Variants in JPH4 observed in about 807,000 individuals in gnomAD.
JPH4 encodes junctophilin-4.
JPH4 carries 18 observed loss-of-function variants against 57.6 expected under a neutral mutation model. The observed-to-expected ratio is 0.31, with a 90% CI of 0.22 to 0.46. The LOEUF is 0.46. Ranked by LOEUF, JPH4 falls within the 20% of genes least tolerant of loss-of-function variation. The pLI is 1.00. For synonymous variants in JPH4, 425 were observed against 406.6 expected, an observed-to-expected ratio of 1.05 and a Z score of -0.54; for missense variants, 727 against 911.1, an observed-to-expected ratio of 0.80 and a Z score of 2.60.
rs1165862025 is a variant in JPH4, at chr14:23,568,284, G to A, written c.*1350C>T. The stretch of plus-strand genomic sequence containing the variant: ...ATTCCTGGGCAAGGCCATTCCTTGA[G>A]GGAGGGGGTTGGCAGGCAGCTTGCC... On this transcript the variant is annotated 3_prime_UTR_variant, in exon 6 of 6. Transcript: ENST00000356300. 12 of 985,788 alleles carry A rather than the reference G, an allele frequency of 1.2e-5. No individual in the cohort carries two copies. The highest frequency in any genetic ancestry group is 5.2e-5 in the African/African-American group (3 of 57,236). The allele number at this position is 985,788 out of a possible 1,614,324, so 61.1% of individuals were successfully genotyped here. A position where few individuals can be genotyped will look rare whatever the true frequency, so the allele number is the denominator to read the frequency against.
chr14:23,568,747 G>A lies in JPH4; in HGVS notation c.*887C>T. The A allele has an allele frequency of 1.0e-6, 1 of 985,828 alleles. No homozygotes were observed. The highest frequency in any genetic ancestry group is 1.1e-4 in the East Asian group (1 of 8,798). The allele number at this position is 985,828 out of a possible 1,614,324, so 61.1% of individuals were successfully genotyped here. On this transcript the variant is annotated 3_prime_UTR_variant, in exon 6 of 6. Coordinates refer to ENST00000356300, the MANE Select transcript of JPH4 (RefSeq NM_001146028.2). Reference sequence around the variant, plus strand: ...TCTGCAGTAGAAATGTCTTCTTCAGGCCCCTTAGGAATTTAATCAAAGGCC... The same window carrying A: ...TCTGCAGTAGAAATGTCTTCTTCAGACCCCTTAGGAATTTAATCAAAGGCC...
intron 3 of JPH4, 132 bp from the exon 4 acceptor site, chr14:23,572,052 C>T (rs924414152): frequency 1.7e-5 from 13 of 776,644 alleles, no homozygotes; most frequent in South Asian, 5.1e-5. Context: ...CGTCACCCTT[C>T]GCCACACTCT....
At position 23,569,743 on chromosome 14, in the gene JPH4, C is replaced by T. The variant is rs1190226499; in HGVS notation, c.1804-26G>A. Reference sequence around the variant, plus strand: ...CTAGAGAGACAGAGGGGGAAGCAGACTCAGTCCCCGAGGACAGGGCCCACC... The same window carrying T: ...CTAGAGAGACAGAGGGGGAAGCAGATTCAGTCCCCGAGGACAGGGCCCACC... On this transcript the variant is annotated intron_variant, in intron 5 of 5. Transcript: ENST00000356300. The surrounding 1 kb of genome is among the most constrained non-coding windows in gnomAD (Gnocchi z 4.8). The T allele has an allele frequency of 1.3e-6, 2 of 1,503,074 alleles. No individual in the cohort carries two copies. Among genetic ancestry groups the T allele is most frequent in the East Asian group, 2.5e-5 (1 of 40,692 alleles). 93.1% of individuals were successfully genotyped at this position (1,503,074 alleles called of 1,614,324 possible).
In JPH4 at chr14:23,569,757, A is replaced by G; in HGVS notation, c.1804-40T>C. 1 of 1,383,902 alleles carries G rather than the reference A, an allele frequency of 7.2e-7. No homozygotes were observed. Among genetic ancestry groups the G allele is most frequent in the Non-Finnish European group, 1.0e-6 (1 of 1,001,686 alleles). 85.7% of individuals were successfully genotyped at this position (1,383,902 alleles called of 1,614,324 possible). On this transcript the variant is annotated intron_variant, in intron 5 of 5. Transcript: ENST00000356300. The surrounding 1 kb of genome is among the most constrained non-coding windows in gnomAD (Gnocchi z 4.8). ...GGGGAAGCAGACTCAGTCCCCGAGG[A>G]CAGGGCCCACCTTCCTGCCCTGACT...
In JPH4 at chr14:23,571,396, C is replaced by G; in HGVS notation, c.1335G>C (p.Gly445=). 1 of 1,600,180 alleles carries G rather than the reference C, an allele frequency of 6.2e-7. No homozygotes were observed. Among genetic ancestry groups the G allele is most frequent in the Non-Finnish European group, 8.5e-7 (1 of 1,179,718 alleles). The change falls in exon 5 of 6, where the codon GGG becomes GGC. Residue 445 remains glycine (G), a synonymous_variant. Coordinates refer to ENST00000356300, the MANE Select transcript of JPH4 (RefSeq NM_001146028.2). This position sits in a 1 kb window ranked among gnomAD's most constrained non-coding sequence, Gnocchi z 4.6. ...AGGGGGTCAGTCCGTTCTCATATAC[C>G]CCAGGGCTGTCCTCATCCAGGGGCT... ...DTEPLDEDSP[G]VYENGLTPSE...
Position 23,577,031 on chromosome 14 carries a change from G to T in JPH4, c.379+44C>A. 2 of 1,455,516 alleles carry T rather than the reference G, an allele frequency of 1.4e-6. No homozygotes were observed. Among genetic ancestry groups the T allele is most frequent in the East Asian group, 2.6e-5 (1 of 38,202 alleles). The allele number at this position is 1,455,516 out of a possible 1,614,324, so 90.2% of individuals were successfully genotyped here. A position where few individuals can be genotyped will look rare whatever the true frequency, so the allele number is the denominator to read the frequency against. On this transcript the variant is annotated intron_variant, in intron 2 of 5. Coordinates refer to ENST00000356300, the MANE Select transcript of JPH4 (RefSeq NM_001146028.2). The surrounding 1 kb of genome is among the most constrained non-coding windows in gnomAD (Gnocchi z 8.4). The stretch of plus-strand genomic sequence containing the variant: ...GCGAAGGCCCAAGGCTGGGGAAGGC[G>T]CACGCGGACGAGCAGACAGACACTG...
intron 3 of JPH4, among the ~76,000 whole-genome samples, chr14:23,573,289 T>C (rs1207410296): frequency 6.6e-6 from 1 of 152,212 alleles, no homozygotes; most frequent in African/African-American, 2.4e-5. Context: ...AACGTGGCTC[T>C]TCTGTCTTAG....
chr14:23,576,931 T>G lies in JPH4; in HGVS notation c.379+144A>C. ...TAATCATGGTGGGAGAGAGCAGAAA[T>G]TGGGGGCTGGGGGTCACATCGATGG... On this transcript the variant is annotated intron_variant, in intron 2 of 5. Coordinates refer to ENST00000356300, the MANE Select transcript of JPH4 (RefSeq NM_001146028.2). This position sits in a 1 kb window ranked among gnomAD's most constrained non-coding sequence, Gnocchi z 8.0. The G allele has an allele frequency of 1.0e-6, 1 of 965,872 alleles. No individual in the cohort carries two copies. The highest frequency in any genetic ancestry group is 1.4e-6 in the Non-Finnish European group (1 of 693,796). 59.8% of individuals were successfully genotyped at this position (965,872 alleles called of 1,614,324 possible).
Position 23,571,492 on chromosome 14 carries a change from C to G in JPH4, c.1271-32G>C, listed in dbSNP as rs369194470. The G allele has an allele frequency of 1.8e-4, 284 of 1,586,416 alleles. No individual in the cohort carries two copies. Among genetic ancestry groups the G allele is most frequent in the Non-Finnish European group, 2.3e-4 (275 of 1,174,284 alleles). On this transcript the variant is annotated intron_variant, in intron 4 of 5. Coordinates refer to ENST00000356300, the MANE Select transcript of JPH4 (RefSeq NM_001146028.2). The surrounding 1 kb of genome is among the most constrained non-coding windows in gnomAD (Gnocchi z 4.6). ...AGGGATAGCTGAGAATCAGAGGGGC[C>G]TAACTGGCCTTGGGCTGGAGTGGCT...
In JPH4 at chr14:23,568,414, C is replaced by G; in HGVS notation, c.*1220G>C. The G allele has an allele frequency of 1.0e-6, 1 of 985,778 alleles. No homozygotes were observed. The highest frequency in any genetic ancestry group is 1.2e-6 in the Non-Finnish European group (1 of 829,968). 61.1% of individuals were successfully genotyped at this position (985,778 alleles called of 1,614,324 possible). On this transcript the variant is annotated 3_prime_UTR_variant, in exon 6 of 6. Transcript: ENST00000356300. ...GGAAAAACTAATACCAGAGAGGGAT[C>G]AGCCACAACCTCAAACAGGGCTCTC... is the stretch of plus-strand genomic sequence containing the variant.
chr14:23,575,483 T>C lies in JPH4; in HGVS notation c.1151+202A>G. 1.6e-6 allele frequency: 1 copy of C among 628,842 alleles called. No homozygotes were observed. Among genetic ancestry groups the C allele is most frequent in the Non-Finnish European group, 2.8e-6 (1 of 362,394 alleles). The allele number at this position is 628,842 out of a possible 1,614,324, so 39.0% of individuals were successfully genotyped here. A position where few individuals can be genotyped will look rare whatever the true frequency, so the allele number is the denominator to read the frequency against. On this transcript the variant is annotated intron_variant, in intron 3 of 5. Transcript: ENST00000356300. The surrounding 1 kb of genome is among the most constrained non-coding windows in gnomAD (Gnocchi z 6.9). Reference sequence around the variant, plus strand: ...ACACCATCTCCCTCAAATACCCAGCTATCCAGAGTTACACCCACATCCACC... The same window carrying C: ...ACACCATCTCCCTCAAATACCCAGCCATCCAGAGTTACACCCACATCCACC...
rs370422924 is a variant in JPH4, at chr14:23,575,730, C to T, written c.1106G>A (p.Arg369Gln). ...KVDRAVEGARRAVSAARQRQE... is the reference protein window; with the variant it reads ...KVDRAVEGARQAVSAARQRQE... ...GCGCTGACGGGCAGCACTCACGGCT[C>T]GACGGGCGCCCTCGACAGCCCTGTC... The change falls in exon 3 of 6, where the codon CGA (arginine) becomes CAA (glutamine). Residue 369 changes from arginine to glutamine, a missense_variant. Arg to Gln is a conservative substitution (Grantham distance 43). Transcript: ENST00000356300. This position sits in a 1 kb window ranked among gnomAD's most constrained non-coding sequence, Gnocchi z 6.9. The T allele has an allele frequency of 6.9e-6, 11 of 1,596,260 alleles. No individual in the cohort carries two copies. Among genetic ancestry groups the T allele is most frequent in the Admixed American group, 1.7e-5 (1 of 58,442 alleles).
intron 3 of JPH4, chr14:23,572,977 A>T (rs1409025101): frequency 8.5e-6 from 6 of 702,138 alleles, no homozygotes; most frequent in Non-Finnish European, 1.6e-5. Context: ...ATGCCTTGTC[A>T]TCCTTAAATG....
chr14:23,576,185 T>A lies in JPH4; in HGVS notation c.651A>T (p.Gly217=). 1 of 1,297,208 alleles carries A rather than the reference T, an allele frequency of 7.7e-7. No homozygotes were observed. The highest frequency in any genetic ancestry group is 9.8e-7 in the Non-Finnish European group (1 of 1,021,232). 80.4% of individuals were successfully genotyped at this position (1,297,208 alleles called of 1,614,324 possible). ...TGAGCAGCAGCGAACGGCGAAAGAA[T>A]CCGCCGGCCGCCGGAGTGCGCTTTC... ...SSRKRTPAAG[G]FFRRSLLLSG... is the part of the protein sequence containing the mutation. Residue 217 remains glycine (G), a synonymous_variant, in exon 3 of 6, where the codon GGA becomes GGT. Transcript: ENST00000356300. The surrounding 1 kb of genome is among the most constrained non-coding windows in gnomAD (Gnocchi z 8.0).
Position 23,577,084 on chromosome 14 carries a change from A to G in JPH4, c.370T>C (p.Ser124Pro). 6.5e-7 allele frequency: 1 copy of G among 1,544,332 alleles called. No individual in the cohort carries two copies. Among genetic ancestry groups the G allele is most frequent in the Non-Finnish European group, 8.7e-7 (1 of 1,148,762 alleles). Residue 124 changes from serine (S) to proline (P), a missense_variant, in exon 2 of 6, where the codon TCC becomes CCC. This residue lies in a region of JPH4 where 90 missense variants were observed against 88.1 expected (regional missense o/e 1.02). Coordinates refer to ENST00000356300, the MANE Select transcript of JPH4 (RefSeq NM_001146028.2). The surrounding 1 kb of genome is among the most constrained non-coding windows in gnomAD (Gnocchi z 8.4). ...FQDGYGTETY[S>P]DGGTYQGQWQ... ...GGGCCGGGCCCCGCACCTCCGTCGG[A>G]GTAGGTCTCAGTGCCGTAGCCGTCC...
Position 23,576,276 on chromosome 14 carries a change from G to GGGCTGCCTCCCTCGTCGC in JPH4, c.542_559dup (p.Ser186_Pro187insArgAspGluGlyGlySer). 1 of 1,266,644 alleles carries GGGCTGCCTCCCTCGTCGC rather than the reference G, an allele frequency of 7.9e-7. No homozygotes were observed. The highest frequency in any genetic ancestry group is 9.9e-7 in the Non-Finnish European group (1 of 1,007,846). 78.5% of individuals were successfully genotyped at this position (1,266,644 alleles called of 1,614,324 possible). A position where few individuals can be genotyped will look rare whatever the true frequency, so the allele number is the denominator to read the frequency against. ...GAAGCCGCCCCGGGAGCCCGAGGCG[G>GGGCTGCCTCCCTCGTCGC]GGCTGCCTCCCTCGTCGCCCGGCAA... On this transcript the variant is annotated inframe_insertion, in exon 3 of 6. Coordinates refer to ENST00000356300, the MANE Select transcript of JPH4 (RefSeq NM_001146028.2). The surrounding 1 kb of genome is among the most constrained non-coding windows in gnomAD (Gnocchi z 8.0).
Position 23,571,021 on chromosome 14 carries a change from C to A in JPH4, c.1710G>T (p.Leu570=). 1 of 1,588,684 alleles carries A rather than the reference C, an allele frequency of 6.3e-7. No homozygotes were observed. Among genetic ancestry groups the A allele is most frequent in the Non-Finnish European group, 8.6e-7 (1 of 1,166,210 alleles). The change falls in exon 5 of 6, where the codon CTG becomes CTT. Residue 570 remains leucine (L), a synonymous_variant. Coordinates refer to ENST00000356300, the MANE Select transcript of JPH4 (RefSeq NM_001146028.2). The surrounding 1 kb of genome is among the most constrained non-coding windows in gnomAD (Gnocchi z 4.6). ...CCCTCGAGGACGAGCCCCTCAGGAC[C>A]AGCATGGCGATGGGCTCAGGCTCCG... is the stretch of plus-strand genomic sequence containing the variant. The part of the protein sequence containing the change: ...AGTEPEPIAM[L]VLRGSSSRGP...
chr14:23,576,150 C>G lies in JPH4; in HGVS notation c.686G>C (p.Arg229Pro). The G allele has an allele frequency of 7.6e-7, 1 of 1,310,170 alleles. No individual in the cohort carries two copies. The highest frequency in any genetic ancestry group is 9.7e-7 in the Non-Finnish European group (1 of 1,029,074). 81.2% of individuals were successfully genotyped at this position (1,310,170 alleles called of 1,614,324 possible). ...FRRSLLLSGL[R>P]AGGRRSSLGS... Reference sequence around the variant, plus strand: ...CAGGGAGCTGCGACGTCCGCCCGCTCGGAGCCCGCTGAGCAGCAGCGAACG... The same window carrying G: ...CAGGGAGCTGCGACGTCCGCCCGCTGGGAGCCCGCTGAGCAGCAGCGAACG... Residue 229 changes from arginine (R) to proline (P), a missense_variant, in exon 3 of 6, where the codon CGA (arginine) becomes CCA (proline). Transcript: ENST00000356300. This position sits in a 1 kb window ranked among gnomAD's most constrained non-coding sequence, Gnocchi z 8.0.
chr14:23,574,268 G>A (rs1308461582), intron 3 of JPH4, among the ~76,000 whole-genome samples: 1 of 151,230 alleles, frequency 6.6e-6, no homozygotes, highest in Non-Finnish European at 1.5e-5. Context: ...TCTGTCTCCC[G>A]GGTTCAAGTG....
Sources: allele counts gnomAD v4.1 joint callset (sites outside exome capture counted in the v4.1 genomes callset), GRCh38; gene constraint gnomAD v4.1.1; regional missense constraint gnomAD v4.1.1; non-coding constraint Gnocchi (gnomAD v3.1); transcripts MANE v1.5; gene names NCBI Gene and HGNC (gene_info 2026-07-23, HGNC 2026-07-21).